The following GPHN variants were observed in gnomAD, a reference collection of about 807,000 sequenced individuals.
GPHN encodes the protein gephyrin.
A neutral mutation model predicts 95.5 loss-of-function variants in GPHN; 17 were observed. The observed-to-expected ratio is 0.18, with a 90% CI of 0.12 to 0.27. The LOEUF (loss-of-function observed/expected upper bound fraction) is 0.27, where lower values mean the gene tolerates loss of function less well. Among genes scored for constraint, GPHN ranks in the 10% least tolerant of loss-of-function variants. The probability of loss-of-function intolerance (pLI) is 1.00; values close to 1 mark genes in which losing one functional copy is unlikely to be tolerated. For synonymous variants in GPHN, 320 were observed against 322.5 expected (o/e 0.99, Z 0.08); for missense variants, 660 against 978.1 (o/e 0.67, Z 4.34).
At chr14:67,366,472 T>G in the GPHN span, among the ~76,000 whole-genome samples, 1 of 152,204 alleles carries the variant, frequency 6.6e-6, no homozygotes, top group South Asian at 2.1e-4. Flanking sequence ...TTACGTACAG[T>G]AGATACATGT....
chr14:67,733,906 AAGG>A, the GPHN span: 4 of 1,310,946 alleles, frequency 3.1e-6, no homozygotes, highest in Admixed American at 5.2e-5. Flanking sequence ...AACAGGGACC[AAGG>A]AGAAGGCCAA....
chr14:66,675,304 C>A (rs1195554376), intron 1 of GPHN, among the ~76,000 whole-genome samples: 3 of 151,964 alleles, frequency 2.0e-5, no homozygotes, highest in Non-Finnish European at 4.4e-5. Context: ...ACCACCACGC[C>A]CGGCTAATTT....
At chr14:67,270,587 C>CT in the GPHN span, 45,615 of 139,506 alleles carry the variant, frequency 0.33, 7,537 homozygotes, top group East Asian at 0.49. Flanking sequence ...TGTCAAAGGA[C>CT]TTTTTTTTTT....
chr14:67,156,769 G>C (rs1465895092), intron 18 of GPHN, among the ~76,000 whole-genome samples: 3 of 152,060 alleles, frequency 2.0e-5, no homozygotes. Context: ...GTGGGGCCAG[G>C]AGTTCGAGAC....
the GPHN span, chr14:67,350,738 G>C: frequency 6.7e-7 from 1 of 1,502,532 alleles, no homozygotes; most frequent in Non-Finnish European, 9.2e-7. Context: ...CTTTTACAAG[G>C]AAATATTCCA....
At chr14:66,804,140 T>C (rs994198512) in intron 3 of GPHN, among the ~76,000 whole-genome samples, 8 of 152,216 alleles carry the variant, frequency 5.3e-5, no homozygotes, top group Non-Finnish European at 1.2e-4. Context: ...CATTCCTCCT[T>C]CTTCTGTAGG....
intron 4 of GPHN, among the ~76,000 whole-genome samples, chr14:66,830,079 A>T (rs2061528713): frequency 6.6e-6 from 1 of 152,186 alleles, no homozygotes; most frequent in Non-Finnish European, 1.5e-5. Flanking sequence ...CAGAGTTCAG[A>T]AGTTGTAAAC....
chr14:66,713,974 G>A (rs1382252560), intron 2 of GPHN, among the ~76,000 whole-genome samples: 1 of 152,068 alleles, frequency 6.6e-6, no homozygotes, highest in Non-Finnish European at 1.5e-5. Context: ...TCACCATGTT[G>A]GCCAGGCTGG....
At chr14:66,676,939 T>C (rs1482966108) in intron 1 of GPHN, among the ~76,000 whole-genome samples, 2 of 152,026 alleles carry the variant, frequency 1.3e-5, no homozygotes. Context: ...GTTGGGAGAC[T>C]TTTTTATTGC....
chr14:67,593,690 G>C, the GPHN span: 1 of 1,026,054 alleles, frequency 9.7e-7, no homozygotes, highest in East Asian at 2.4e-5. Flanking sequence ...ACATCCCATG[G>C]GCTGGCTACC....
At chr14:67,374,609 C>T in the GPHN span, 2 of 1,129,550 alleles carry the variant, frequency 1.8e-6, no homozygotes, top group Non-Finnish European at 2.6e-6. Flanking sequence ...AATTTGAAAT[C>T]TTAATTTCAT....
chr14:67,329,566 G>A, the GPHN span, among the ~76,000 whole-genome samples: 1 of 152,178 alleles, frequency 6.6e-6, no homozygotes, highest in Non-Finnish European at 1.5e-5. Context: ...AGTTTTCAAA[G>A]GGAATGCTTC....
intron 11 of GPHN, among the ~76,000 whole-genome samples, chr14:67,059,674 CTCT>C (rs1295533325): frequency 2.0e-5 from 3 of 152,162 alleles, no homozygotes; most frequent in Admixed American, 2.0e-4. Flanking sequence ...CATAATTGTG[CTCT>C]TCTTCAACCA....
At chr14:67,232,328 T>C in the GPHN span, among the ~76,000 whole-genome samples, 3 of 152,190 alleles carry the variant, frequency 2.0e-5, no homozygotes, top group Non-Finnish European at 4.4e-5. Context: ...CCAAGTCTTA[T>C]GACAAGGAAC....
chr14:67,095,471 C>T (rs922027729), intron 12 of GPHN, among the ~76,000 whole-genome samples: 1 of 152,138 alleles, frequency 6.6e-6, no homozygotes, highest in Non-Finnish European at 1.5e-5. Flanking sequence ...TATAAAGACA[C>T]ATGCACACGT....
At chr14:67,502,456 C>CT in the GPHN span, among the ~76,000 whole-genome samples, 87,729 of 137,542 alleles carry the variant, frequency 0.64, 29,945 homozygotes, top group Non-Finnish European at 0.77. Context: ...AAGGTGATTT[C>CT]TTTTTTTTTT....
At chr14:67,000,792 A>G (rs915730339) in intron 9 of GPHN, among the ~76,000 whole-genome samples, 16 of 151,770 alleles carry the variant, frequency 1.1e-4, no homozygotes, top group Middle Eastern at 3.4e-3. Context: ...ATCCATAGAG[A>G]TAATGGGAAA....
rs191748153 is a variant in GPHN at position 66,526,516 on chromosome 14, G to C, written c.64+17925G>C. On this transcript the variant is annotated intron_variant, in intron 1 of 22. Coordinates refer to ENST00000478722, the MANE Select transcript of GPHN (RefSeq NM_020806.5). ...CCCTGGCCAGAACTTTCAATACTAT[G>C]TTGAATAGGAGTGTGAGAGAGTGCA... Among the ~76,000 whole-genome samples the C allele has an allele frequency of 2.0e-5, 3 of 152,292 alleles. No individual in the cohort carries two copies. The East Asian group carries it at 5.8e-4, about 29-fold the overall frequency.
chr14:66,815,667 A>G (rs1054019217), intron 3 of GPHN, among the ~76,000 whole-genome samples: 2 of 152,246 alleles, frequency 1.3e-5, no homozygotes, highest in South Asian at 4.1e-4. Context: ...AGGAAGCACT[A>G]AGTGTGGAAA....
Sources: gnomAD v4.1 joint callset for allele counts (sites outside exome capture counted in the v4.1 genomes callset) on GRCh38, gnomAD v4.1.1 for gene constraint, MANE v1.5 for transcripts, NCBI Gene and HGNC (gene_info 2026-07-23, HGNC 2026-07-21) for gene names.